SCRT2: variants seen among roughly 807,000 people sequenced by gnomAD.
SCRT2 encodes scratch family transcriptional repressor 2, also known as transcriptional repressor scratch 2.
A neutral mutation model predicts 3.7 loss-of-function variants in SCRT2; 2 were observed. The observed-to-expected ratio is 0.54, with a 90% CI of 0.22 to 1.70. The LOEUF is 1.70. Ranked by LOEUF, SCRT2 falls within the 40% of genes most tolerant of loss-of-function variation. The probability of loss-of-function intolerance (pLI) is 0.19; values close to 1 mark genes in which losing one functional copy is unlikely to be tolerated. For missense variants in SCRT2, 456 were observed against 468.5 expected (o/e 0.97, Z 0.25); for synonymous variants, 256 against 220.6 (o/e 1.16, Z -1.42).
rs1599927097 is a variant in SCRT2 at position 675,663 on chromosome 20, C to T, written c.-62G>A. ...CCGGCCGGGCGCGATCGGCTGTGTC[C>T]GCGCGGGTTTTCAGCACTGGACAGC... On this transcript the variant is annotated 5_prime_UTR_variant, in exon 1 of 2. Transcript: ENST00000246104. The surrounding 1 kb of genome is among the most constrained non-coding windows in gnomAD (Gnocchi z 6.9). 5.8e-6 allele frequency: 7 copies of T among 1,198,440 alleles called. No homozygotes were observed. Among genetic ancestry groups the T allele is most frequent in the Non-Finnish European group, 5.3e-6 (5 of 948,546 alleles). The allele number at this position is 1,198,440 out of a possible 1,614,324, so 74.2% of individuals were successfully genotyped here. A position where few individuals can be genotyped will look rare whatever the true frequency, so the allele number is the denominator to read the frequency against.
At chr20:671,312 T>A (rs898188315) in intron 1 of SCRT2, among the ~76,000 whole-genome samples, 1 of 152,228 alleles carries the variant, frequency 6.6e-6, no homozygotes, top group Non-Finnish European at 1.5e-5. Flanking sequence ...ACCTCAGATC[T>A]GTACTTGGAT....
chr20:672,366 G>A lies in SCRT2; in HGVS notation c.133+3103C>T, dbSNP rs1469385257. On this transcript the variant is annotated intron_variant, in intron 1 of 1. Transcript: ENST00000246104. ...GGCGGTAGAGGCTGAAAGGGAGTAG[G>A]AAGGCAAAGAAGAGCATTGCTCGTG... is the stretch of plus-strand genomic sequence containing the variant. Among the ~76,000 whole-genome samples the A allele has an allele frequency of 2.0e-5, 3 of 151,100 alleles. No homozygotes were observed. The Admixed American group carries it at 2.0e-4, about 10-fold the overall frequency.
chr20:665,492 G>A lies in SCRT2; in HGVS notation c.134-1031C>T, dbSNP rs570529287. On this transcript the variant is annotated intron_variant, in intron 1 of 1. Coordinates refer to ENST00000246104, the MANE Select transcript of SCRT2 (RefSeq NM_033129.4). This position sits in a 1 kb window ranked among gnomAD's most constrained non-coding sequence, Gnocchi z 5.0. ...TCCCCCTCCTCCTCCCACTTAGCTGGAGTTGGACCAGGAATCCTGTCTGCC... is the reference window on the plus strand; with the variant it reads ...TCCCCCTCCTCCTCCCACTTAGCTGAAGTTGGACCAGGAATCCTGTCTGCC... 2.9e-4 allele frequency among the ~76,000 whole-genome samples: 44 copies of A among 152,284 alleles called. No homozygotes were observed. Among genetic ancestry groups the A allele is most frequent in the African/African-American group, 9.1e-4 (38 of 41,548 alleles).
At chr20:673,042 G>C (rs1984397010) in intron 1 of SCRT2, among the ~76,000 whole-genome samples, 1 of 152,110 alleles carries the variant, frequency 6.6e-6, no homozygotes, top group African/African-American at 2.4e-5. Context: ...CTGAAAACAA[G>C]ACAAGGCAGA....
At chr20:674,584 C>T (rs1568659506) in intron 1 of SCRT2, among the ~76,000 whole-genome samples, 1 of 152,194 alleles carries the variant, frequency 6.6e-6, no homozygotes, top group African/African-American at 2.4e-5. Context: ...GAAGCAGTCT[C>T]CACTTTCCCC....
chr20:663,521 G>GA lies in SCRT2; in HGVS notation c.*149dup. 1.5e-6 allele frequency: 1 copy of GA among 657,132 alleles called. No individual in the cohort carries two copies. 40.7% of individuals were successfully genotyped at this position (657,132 alleles called of 1,614,324 possible). ...GTGAGTCGTGGGTTTGGGGGTTGGG[G>GA]AGAAAAGTTCCGGGCCGGGCCGGGG... On this transcript the variant is annotated 3_prime_UTR_variant, in exon 2 of 2. Transcript: ENST00000246104. The surrounding 1 kb of genome is among the most constrained non-coding windows in gnomAD (Gnocchi z 6.9).
Position 667,540 on chromosome 20 carries a change from T to G in SCRT2, c.134-3079A>C, listed in dbSNP as rs1233194471. 6.6e-6 allele frequency among the ~76,000 whole-genome samples: 1 copy of G among 152,200 alleles called. No individual in the cohort carries two copies. The highest frequency in any genetic ancestry group is 1.5e-5 in the Non-Finnish European group (1 of 68,022). ...TTCTGATGGGAAAATATCTGGTGCA[T>G]AGTAGGAGCTCCATCAGTGAACCAG... On this transcript the variant is annotated intron_variant, in intron 1 of 1. Transcript: ENST00000246104. The surrounding 1 kb of genome is among the most constrained non-coding windows in gnomAD (Gnocchi z 4.4).
Position 675,758 on chromosome 20 carries a change from G to T in SCRT2, c.-157C>A. On this transcript the variant is annotated 5_prime_UTR_variant, in exon 1 of 2. Transcript: ENST00000246104. The surrounding 1 kb of genome is among the most constrained non-coding windows in gnomAD (Gnocchi z 6.9). ...GTGGCGGCGGCCCCGGCTCGGGCTCGGGCTTGGCGGCGGCGGCGCGCAGAC... is the reference window on the plus strand; with the variant it reads ...GTGGCGGCGGCCCCGGCTCGGGCTCTGGCTTGGCGGCGGCGGCGCGCAGAC... The T allele has an allele frequency of 1.6e-5, 5 of 311,964 alleles. No individual in the cohort carries two copies. Among genetic ancestry groups the T allele is most frequent in the Non-Finnish European group, 2.6e-5 (5 of 195,036 alleles). The allele number at this position is 311,964 out of a possible 1,614,324, so 19.3% of individuals were successfully genotyped here. A position where few individuals can be genotyped will look rare whatever the true frequency, so the allele number is the denominator to read the frequency against.
Position 663,600 on chromosome 20 carries a change from G to T in SCRT2, c.*71C>A. ...AACGCAGCCGGGGCTGGGCGAGGGC[G>T]CTGCGGGCGCAGGTAGGGGGCCCGG... is the stretch of plus-strand genomic sequence containing the variant. On this transcript the variant is annotated 3_prime_UTR_variant, in exon 2 of 2. Coordinates refer to ENST00000246104, the MANE Select transcript of SCRT2 (RefSeq NM_033129.4). This position sits in a 1 kb window ranked among gnomAD's most constrained non-coding sequence, Gnocchi z 6.9. 1 of 1,268,610 alleles carries T rather than the reference G, an allele frequency of 7.9e-7. No individual in the cohort carries two copies. Among genetic ancestry groups the T allele is most frequent in the Non-Finnish European group, 1.0e-6 (1 of 1,001,778 alleles). The allele number at this position is 1,268,610 out of a possible 1,614,324, so 78.6% of individuals were successfully genotyped here.
intron 1 of SCRT2, among the ~76,000 whole-genome samples, chr20:672,456 A>C (rs977615011): frequency 2.6e-5 from 4 of 151,544 alleles, no homozygotes; most frequent in Non-Finnish European, 4.4e-5. Context: ...GAGGAGGAGC[A>C]GGAGTCCTCC....
At chr20:669,045 A>G (rs1432950085) in intron 1 of SCRT2, among the ~76,000 whole-genome samples, 2 of 144,238 alleles carry the variant, frequency 1.4e-5, no homozygotes, top group East Asian at 2.2e-4. Context: ...CAGAGAGGGC[A>G]TGGAGACTTG....
chr20:671,480 C>T (rs1984328632), intron 1 of SCRT2, among the ~76,000 whole-genome samples: 1 of 152,256 alleles, frequency 6.6e-6, no homozygotes, highest in Non-Finnish European at 1.5e-5. Flanking sequence ...GGCACCTCCC[C>T]AGCCTTCTCT....
chr20:675,611 G>A lies in SCRT2; in HGVS notation c.-10C>T. On this transcript the variant is annotated 5_prime_UTR_variant, in exon 1 of 2. Coordinates refer to ENST00000246104, the MANE Select transcript of SCRT2 (RefSeq NM_033129.4). The surrounding 1 kb of genome is among the most constrained non-coding windows in gnomAD (Gnocchi z 6.9). ...GGAAGGAGCGCGGCATGGCGCGGCC[G>A]GCGCGGGGCTCGGTGCGGGGAGGCG... 1 of 1,287,614 alleles carries A rather than the reference G, an allele frequency of 7.8e-7. No homozygotes were observed. The highest frequency in any genetic ancestry group is 9.9e-7 in the Non-Finnish European group (1 of 1,011,168). 79.8% of individuals were successfully genotyped at this position (1,287,614 alleles called of 1,614,324 possible).
At chr20:672,388 CGTGTGTGTGTGTGTGTGT>C (rs6147265) in intron 1 of SCRT2, among the ~76,000 whole-genome samples, 5,882 of 147,276 alleles carry the variant, frequency 0.04, 361 homozygotes, top group African/African-American at 0.14. Context: ...GAGCATTGCT[CGTGTGTGTGTGTGTGTGT>C]GTGTGTGTGT....
chr20:663,971 G>T lies in SCRT2; in HGVS notation c.624C>A (p.His208Gln). The T allele has an allele frequency of 6.2e-7, 1 of 1,610,794 alleles. No homozygotes were observed. The change falls in exon 2 of 2, where the codon CAC (histidine) becomes CAA (glutamine). Residue 208 changes from histidine (H) to glutamine (Q), a missense_variant. Transcript: ENST00000246104. The surrounding 1 kb of genome is among the most constrained non-coding windows in gnomAD (Gnocchi z 6.9). The stretch of plus-strand genomic sequence containing the variant: ...AGACGCCGCACTTGTGGCGCAGGTT[G>T]TGCGTGAGCAGGTGCATGGCGAGCG... ...MPALAMHLLT[H>Q]NLRHKCGVCG...
chr20:672,670 A>G (rs1025111085), intron 1 of SCRT2, among the ~76,000 whole-genome samples: 6 of 148,408 alleles, frequency 4.0e-5, no homozygotes, highest in African/African-American at 1.5e-4. Context: ...AATGGCTTGT[A>G]AGAAGATCTT....
intron 1 of SCRT2, among the ~76,000 whole-genome samples, chr20:674,261 G>T (rs192116060): frequency 5.3e-5 from 8 of 152,050 alleles, no homozygotes; most frequent in African/African-American, 1.9e-4. Context: ...CCCAGAGGTG[G>T]AAGCCCCCAT....
chr20:664,367 CGCCGGCGGGTACGCGGGCTCGGCCGGG>C lies in SCRT2; in HGVS notation c.201_227del (p.Pro68_Ala76del). The C allele has an allele frequency of 6.9e-7, 1 of 1,445,332 alleles. No homozygotes were observed. The highest frequency in any genetic ancestry group is 1.4e-5 in the South Asian group (1 of 72,008). The allele number at this position is 1,445,332 out of a possible 1,614,324, so 89.5% of individuals were successfully genotyped here. Reference sequence around the variant, plus strand: ...CGGGGTCGCTGTACTCCTCCGGCGCCGCCGGCGGGTACGCGGGCTCGGCCGGGGCCAGCTCCAGGCCCGGCTTCTGGT... The same window carrying C: ...CGGGGTCGCTGTACTCCTCCGGCGCCGCCAGCTCCAGGCCCGGCTTCTGGT... On this transcript the variant is annotated inframe_deletion, in exon 2 of 2. Coordinates refer to ENST00000246104, the MANE Select transcript of SCRT2 (RefSeq NM_033129.4). This position sits in a 1 kb window ranked among gnomAD's most constrained non-coding sequence, Gnocchi z 7.9.
In SCRT2 at chr20:664,407, C is replaced by T; in HGVS notation, c.188G>A (p.Gly63Asp). 2 of 1,377,184 alleles carry T rather than the reference C, an allele frequency of 1.5e-6. No individual in the cohort carries two copies. The highest frequency in any genetic ancestry group is 1.9e-6 in the Non-Finnish European group (2 of 1,053,982). The allele number at this position is 1,377,184 out of a possible 1,614,324, so 85.3% of individuals were successfully genotyped here. A position where few individuals can be genotyped will look rare whatever the true frequency, so the allele number is the denominator to read the frequency against. The stretch of plus-strand genomic sequence containing the variant: ...GGGCTCGGCCGGGGCCAGCTCCAGG[C>T]CCGGCTTCTGGTCCGCATCGTAGCT... ...PSSYDADQKPGLELAPAEPAY... is the reference protein window; with the variant it reads ...PSSYDADQKPDLELAPAEPAY... The change falls in exon 2 of 2, where the codon GGC (glycine) becomes GAC (aspartate). Residue 63 changes from glycine to aspartate, a missense_variant. Gly to Asp is a moderately conservative substitution (Grantham distance 94). Transcript: ENST00000246104. This position sits in a 1 kb window ranked among gnomAD's most constrained non-coding sequence, Gnocchi z 7.9.
Sources: allele counts gnomAD v4.1 joint callset (sites outside exome capture counted in the v4.1 genomes callset), GRCh38; gene constraint gnomAD v4.1.1; non-coding constraint Gnocchi (gnomAD v3.1); transcripts MANE v1.5; gene names NCBI Gene and HGNC (gene_info 2026-07-23, HGNC 2026-07-21).